CCDC138: variants seen among roughly 807,000 people sequenced by gnomAD.
The protein encoded by CCDC138 is coiled-coil domain-containing protein 138.
Under a neutral mutation model 82.3 loss-of-function variants are expected in CCDC138, and 66 were observed. The ratio of observed to expected loss-of-function variants is 0.80; its 90% CI spans 0.66 to 0.98. The LOEUF is 0.98. Ranked by LOEUF, CCDC138 falls within the 50% of genes least tolerant of loss-of-function variation. The probability of loss-of-function intolerance (pLI) is 0.00; values close to 1 mark genes in which losing one functional copy is unlikely to be tolerated. For synonymous variants in CCDC138, 297 were observed against 265.4 expected, an observed-to-expected ratio of 1.12 and a Z score of -1.16; for missense variants, 816 against 758.9, an observed-to-expected ratio of 1.08 and a Z score of -0.88.
At chr2:108,819,935 C>T (rs1685388132) in intron 10 of CCDC138, among the ~76,000 whole-genome samples, 1 of 152,124 alleles carries the variant, frequency 6.6e-6, no homozygotes, top group African/African-American at 2.4e-5. Context: ...ACACAAAAAA[C>T]TAAGCAAAGT....
At chr2:108,841,801 T>A (rs577524037) in intron 11 of CCDC138, among the ~76,000 whole-genome samples, 1 of 152,296 alleles carries the variant, frequency 6.6e-6, no homozygotes, top group East Asian at 1.9e-4. Flanking sequence ...GTTCTTTTTG[T>A]TTCTCTTTTT....
chr2:108,867,694 A>G (rs1009479765), intron 13 of CCDC138, among the ~76,000 whole-genome samples: 5 of 152,186 alleles, frequency 3.3e-5, no homozygotes, highest in African/African-American at 1.2e-4. Context: ...ACCTAAGTCT[A>G]TTCATACTAT....
At chr2:108,804,769 C>A in intron 6 of CCDC138, 120 bp from the exon 7 acceptor site, 1 of 894,458 alleles carries the variant, frequency 1.1e-6, no homozygotes, top group Non-Finnish European at 1.6e-6. Flanking sequence ...TGCTTGCATA[C>A]ACTGATTAAA....
downstream of CCDC138, among the ~76,000 whole-genome samples, chr2:108,878,155 C>T (rs899249710): frequency 5.3e-5 from 8 of 152,154 alleles, no homozygotes; most frequent in Non-Finnish European, 8.8e-5. Context: ...AAGCACTGAA[C>T]ACTGAAACAA....
chr2:108,852,631 C>G (rs1307731347), intron 12 of CCDC138, among the ~76,000 whole-genome samples: 1 of 152,172 alleles, frequency 6.6e-6, no homozygotes, highest in Non-Finnish European at 1.5e-5. Flanking sequence ...GGCCGTTATC[C>G]TTAACAGACT....
At position 108,856,987 on chromosome 2, in the gene CCDC138, T is replaced by C; in HGVS notation, c.1693+17T>C. The C allele has an allele frequency of 6.8e-7, 1 of 1,461,060 alleles. No individual in the cohort carries two copies. Among genetic ancestry groups the C allele is most frequent in the Non-Finnish European group, 9.4e-7 (1 of 1,062,332 alleles). The allele number at this position is 1,461,060 out of a possible 1,614,324, so 90.5% of individuals were successfully genotyped here. A position where few individuals can be genotyped will look rare whatever the true frequency, so the allele number is the denominator to read the frequency against. ...TGGAATCTAGTAAGTTTTTAAGTTC[T>C]ATATGTGTAAAGAAAGCAGGATGAT... On this transcript the variant is annotated intron_variant, in intron 13 of 14. Transcript: ENST00000295124.
At chr2:108,786,757 G>T, upstream of CCDC138, 7 of 1,446,446 alleles carry the variant, frequency 4.8e-6, no homozygotes, top group Non-Finnish European at 6.7e-6. Flanking sequence ...GACGCACTGC[G>T]GCCGCGTAGC....
intron 12 of CCDC138, among the ~76,000 whole-genome samples, chr2:108,847,940 C>A (rs1690767526): frequency 6.6e-6 from 1 of 152,054 alleles, no homozygotes; most frequent in Non-Finnish European, 1.5e-5. Flanking sequence ...TTACGAGAAG[C>A]AGGGATTAGC....
chr2:108,836,468 CT>C (rs1688598389), intron 10 of CCDC138, among the ~76,000 whole-genome samples: 1 of 152,212 alleles, frequency 6.6e-6, no homozygotes, highest in Non-Finnish European at 1.5e-5. Context: ...TGAATATGGA[CT>C]TGCAAATATC....
intron 12 of CCDC138, among the ~76,000 whole-genome samples, chr2:108,849,732 T>C (rs555692495): frequency 6.6e-6 from 1 of 152,358 alleles, no homozygotes; most frequent in South Asian, 2.1e-4. Flanking sequence ...GAGTTCTCCC[T>C]TTCCTTATAG....
At chr2:108,885,476 A>G (rs1696397480) in exon 3 of CCDC138, 1 of 152,240 alleles carries the variant, frequency 6.6e-6, no homozygotes, top group Non-Finnish European at 1.5e-5. Flanking sequence ...ATTGAAAAGT[A>G]AGTACTGTAT....
Position 108,788,861 on chromosome 2 carries a change from A to G in CCDC138, c.161A>G (p.Asp54Gly), listed in dbSNP as rs754478994. Residue 54 changes from aspartate to glycine, a missense_variant, in exon 3 of 15, where the codon GAT (aspartate) becomes GGT (glycine). Transcript: ENST00000295124. ...TCTTTGTCGTTGACAGGTGATTTGG[A>G]TATCTACTCTGGAGATAAAGTTGGT... ...RRTLTSPGDL[D>G]IYSGDKVGSS... is the part of the protein sequence containing the mutation. 6 of 1,613,964 alleles carry G rather than the reference A, an allele frequency of 3.7e-6. No homozygotes were observed. Among genetic ancestry groups the G allele is most frequent in the African/African-American group, 1.3e-5 (1 of 74,942 alleles).
At chr2:108,840,105 A>G (rs937291486) in intron 11 of CCDC138, among the ~76,000 whole-genome samples, 1 of 152,042 alleles carries the variant, frequency 6.6e-6, no homozygotes, top group South Asian at 2.1e-4. Context: ...TTCTGCATTG[A>G]TTGATACATG....
chr2:108,805,108 G>A lies in CCDC138; in HGVS notation c.855+100G>A, dbSNP rs182755858. 5 of 529,252 alleles carry A rather than the reference G, an allele frequency of 9.4e-6. No individual in the cohort carries two copies. In the African/African-American group the frequency reaches 9.9e-5, roughly 10 times the overall value. The allele number at this position is 529,252 out of a possible 1,614,324, so 32.8% of individuals were successfully genotyped here. ...AGCCTTAGAACACGTTTCAGCTAGA[G>A]AAAATTTGGATTACATTTGTTAGCT... On this transcript the variant is annotated intron_variant, in intron 7 of 14. Coordinates refer to ENST00000295124, the MANE Select transcript of CCDC138 (RefSeq NM_144978.3).
At chr2:108,842,091 G>A (rs111843889) in intron 11 of CCDC138, among the ~76,000 whole-genome samples, 4 of 152,044 alleles carry the variant, frequency 2.6e-5, no homozygotes, top group African/African-American at 7.3e-5. Flanking sequence ...GTGCAGTGAT[G>A]ATCATAGATC....
At chr2:108,818,543 T>G (rs1351653555) in intron 10 of CCDC138, among the ~76,000 whole-genome samples, 1 of 152,160 alleles carries the variant, frequency 6.6e-6, no homozygotes, top group African/African-American at 2.4e-5. Context: ...AATTTTAAGG[T>G]GTATAAATAA....
intron 13 of CCDC138, among the ~76,000 whole-genome samples, chr2:108,860,934 A>ATTTTTTTTTT (rs1204225298): frequency 7.0e-4 from 8 of 11,414 alleles, no homozygotes; most frequent in Non-Finnish European, 1.3e-3. Flanking sequence ...CTGGTCCAGG[A>ATTTTTTTTTT]CTTTTTTTTT....
intron 11 of CCDC138, among the ~76,000 whole-genome samples, chr2:108,842,971 G>A (rs2150518768): frequency 6.6e-6 from 1 of 152,236 alleles, no homozygotes; most frequent in Non-Finnish European, 1.5e-5. Context: ...ATTAGAGAAT[G>A]TTACCATTTT....
intron 13 of CCDC138, among the ~76,000 whole-genome samples, chr2:108,871,994 C>G (rs1485080075): frequency 6.6e-6 from 1 of 151,904 alleles, no homozygotes; most frequent in Non-Finnish European, 1.5e-5. Flanking sequence ...CTTTTAATTC[C>G]CCTCTCTCAC....
Sources: allele counts gnomAD v4.1 joint callset (sites outside exome capture counted in the v4.1 genomes callset), GRCh38; gene constraint gnomAD v4.1.1; transcripts MANE v1.5; gene names NCBI Gene and HGNC (gene_info 2026-07-23, HGNC 2026-07-21).